The following LHFPL6 variants were observed in gnomAD, a reference collection of about 807,000 sequenced individuals.
LHFPL6 encodes the protein LHFPL tetraspan subfamily member 6, also known as LHFPL tetraspan subfamily member 6 protein.
In LHFPL6, 9 loss-of-function variants were observed where a neutral mutation model predicts 20.6. That is an observed-to-expected ratio of 0.44 (90% CI 0.26 to 0.76). LHFPL6 has a LOEUF of 0.76. LHFPL6 is among the 30% of genes least tolerant of loss of function. The pLI, the probability that LHFPL6 is intolerant of heterozygous loss-of-function variation, is 0.20. For synonymous variants in LHFPL6, 105 were observed against 98.7 expected (o/e 1.06, Z -0.38); for missense variants, 218 against 253.5 (o/e 0.86, Z 0.95).
intron 2 of LHFPL6, among the ~76,000 whole-genome samples, chr13:39,400,033 C>T (rs533235997): frequency 6.6e-5 from 10 of 152,216 alleles, no homozygotes; most frequent in South Asian, 2.1e-4. Flanking sequence ...GTGGAGATTG[C>T]GGTGAGCCAA....
intron 2 of LHFPL6, among the ~76,000 whole-genome samples, chr13:39,535,117 G>A (rs771601914): frequency 2.0e-5 from 3 of 152,146 alleles, no homozygotes; most frequent in African/African-American, 4.8e-5. Flanking sequence ...TTTTCTCTGC[G>A]TATCTCTGTC....
At chr13:39,569,733 T>A (rs1034026140) in intron 2 of LHFPL6, among the ~76,000 whole-genome samples, 1 of 152,252 alleles carries the variant, frequency 6.6e-6, no homozygotes, top group Non-Finnish European at 1.5e-5. Context: ...GTATTCAAAC[T>A]ATTGAAAAAT....
At chr13:39,526,076 G>A (rs1293465061) in intron 2 of LHFPL6, among the ~76,000 whole-genome samples, 7 of 152,046 alleles carry the variant, frequency 4.6e-5, no homozygotes, top group East Asian at 1.9e-4. Context: ...ATTGTGTGAT[G>A]GTTAGGAATA....
At chr13:39,384,462 G>C (rs1870514671) in intron 2 of LHFPL6, among the ~76,000 whole-genome samples, 1 of 152,214 alleles carries the variant, frequency 6.6e-6, no homozygotes. Context: ...ATGTAAAAGT[G>C]AGAACATCTT....
At chr13:39,566,837 C>A (rs1871735927) in intron 2 of LHFPL6, among the ~76,000 whole-genome samples, 1 of 151,660 alleles carries the variant, frequency 6.6e-6, no homozygotes, top group African/African-American at 2.4e-5. Flanking sequence ...TAGGTTAAAC[C>A]CCATTTCTAC....
chr13:39,417,627 C>T lies in LHFPL6; in HGVS notation c.386-39101G>A, dbSNP rs145259536. Among the ~76,000 whole-genome samples, 9 of 152,328 alleles carry T rather than the reference C, an allele frequency of 5.9e-5. No homozygotes were observed. In the East Asian group the frequency reaches 1.5e-3, roughly 26 times the overall value. On this transcript the variant is annotated intron_variant, in intron 2 of 3. Transcript: ENST00000379589. ...CATTAGCTGAATTAACCATTCTCCA[C>T]GGACCTCATCTTTATTCCTCTCTTC...
At chr13:39,585,676 T>C (rs1872427332) in intron 2 of LHFPL6, among the ~76,000 whole-genome samples, 2 of 152,214 alleles carry the variant, frequency 1.3e-5, no homozygotes, top group Non-Finnish European at 2.9e-5. Context: ...TTGATCAAGC[T>C]GTTTCTGTAC....
intron 2 of LHFPL6, among the ~76,000 whole-genome samples, chr13:39,433,483 T>C (rs1473708407): frequency 6.6e-6 from 1 of 152,152 alleles, no homozygotes; most frequent in African/African-American, 2.4e-5. Flanking sequence ...GAGGAGTGCT[T>C]AATAAATATC....
chr13:39,489,717 T>G (rs1434700785), intron 2 of LHFPL6, among the ~76,000 whole-genome samples: 4 of 151,974 alleles, frequency 2.6e-5, no homozygotes, highest in Admixed American at 2.0e-4. Context: ...CATGCCCGGC[T>G]AATTTTTGTA....
chr13:39,457,268 A>G (rs1872593521), intron 2 of LHFPL6, among the ~76,000 whole-genome samples: 1 of 152,262 alleles, frequency 6.6e-6, no homozygotes, highest in Non-Finnish European at 1.5e-5. Context: ...TATCTACAAT[A>G]TACGAAGAAC....
In LHFPL6 at chr13:39,433,847, T is replaced by C. The variant is rs370073238; in HGVS notation, c.386-55321A>G. On this transcript the variant is annotated intron_variant, in intron 2 of 3. Transcript: ENST00000379589. ...AAACCAGCTCTCTCAGCCAAGAAGT[T>C]TGAATAATCCAGCAGTCACCAGGAG... Among the ~76,000 whole-genome samples the C allele has an allele frequency of 1.8e-3, 275 of 152,328 alleles. 1 individual carries two copies. Among genetic ancestry groups the C allele is most frequent in the African/African-American group, 5.8e-3 (243 of 41,582 alleles).
intron 2 of LHFPL6, among the ~76,000 whole-genome samples, chr13:39,415,979 A>AT (rs1871338210): frequency 2.0e-5 from 3 of 151,428 alleles, no homozygotes; most frequent in Non-Finnish European, 4.4e-5. Context: ...TCACCCCTAG[A>AT]TTCTCTGTCC....
intron 2 of LHFPL6, among the ~76,000 whole-genome samples, chr13:39,566,243 GAAT>G (rs1871711286): frequency 6.6e-6 from 1 of 152,136 alleles, no homozygotes; most frequent in African/African-American, 2.4e-5. Context: ...CAGAACAGAG[GAAT>G]ACATGACTGC....
In LHFPL6 at chr13:39,601,103, C is replaced by A; in HGVS notation, c.114G>T (p.Leu38=). Reference sequence around the variant, plus strand: ...AGGTACCGAAGGACACAGGCTTGCCCAGCTGTGATCCCCAGAGCCAGTAAG... The same window carrying A: ...AGGTACCGAAGGACACAGGCTTGCCAAGCTGTGATCCCCAGAGCCAGTAAG... The part of the protein sequence containing the change: ...FMPYWLWGSQ[L]GKPVSFGTFR... The change falls in exon 2 of 4, where the codon CTG becomes CTT. Residue 38 remains leucine (L), a synonymous_variant. Coordinates refer to ENST00000379589, the MANE Select transcript of LHFPL6 (RefSeq NM_005780.3). The A allele has an allele frequency of 6.8e-6, 11 of 1,614,194 alleles. No homozygotes were observed. Among genetic ancestry groups the A allele is most frequent in the Non-Finnish European group, 9.3e-6 (11 of 1,180,024 alleles).
intron 2 of LHFPL6, among the ~76,000 whole-genome samples, chr13:39,400,574 G>C (rs1299067394): frequency 6.6e-6 from 1 of 151,748 alleles, no homozygotes; most frequent in African/African-American, 2.4e-5. Context: ...ACGAGGTCAG[G>C]AGATCGAGAC....
intron 2 of LHFPL6, among the ~76,000 whole-genome samples, chr13:39,524,321 GACTC>G (rs1292794877): frequency 1.4e-5 from 2 of 143,974 alleles, no homozygotes; most frequent in Non-Finnish European, 3.0e-5. Flanking sequence ...GGAAAGAGGT[GACTC>G]ACTCACAGGT....
At chr13:39,568,844 T>A (rs1384202009) in intron 2 of LHFPL6, among the ~76,000 whole-genome samples, 1 of 152,174 alleles carries the variant, frequency 6.6e-6, no homozygotes, top group East Asian at 1.9e-4. Flanking sequence ...TTTGAGTTGA[T>A]CATATCCAGT....
chr13:39,506,778 GGCA>G (rs2138469614), intron 2 of LHFPL6, among the ~76,000 whole-genome samples: 1 of 152,250 alleles, frequency 6.6e-6, no homozygotes, highest in African/African-American at 2.4e-5. Context: ...CTAAAGCTGA[GGCA>G]GCTATGTAAT....
intron 2 of LHFPL6, among the ~76,000 whole-genome samples, chr13:39,525,123 A>G (rs1163328363): frequency 6.6e-6 from 1 of 152,250 alleles, no homozygotes; most frequent in Non-Finnish European, 1.5e-5. Flanking sequence ...CAAAGGAACC[A>G]GAGAAGACAC....
Sources: allele counts gnomAD v4.1 joint callset (sites outside exome capture counted in the v4.1 genomes callset), GRCh38; gene constraint gnomAD v4.1.1; transcripts MANE v1.5; gene names NCBI Gene and HGNC (gene_info 2026-07-23, HGNC 2026-07-21).